TAFA2: variants seen among roughly 807,000 people sequenced by gnomAD.
The protein encoded by TAFA2 is chemokine-like protein TAFA-2.
A neutral mutation model predicts 18.8 loss-of-function variants in TAFA2; 7 were observed. The observed-to-expected ratio is 0.37, with a 90% CI of 0.21 to 0.70. The LOEUF (loss-of-function observed/expected upper bound fraction) is 0.70. Ranked by LOEUF, TAFA2 falls within the 30% of genes least tolerant of loss-of-function variation. The probability of loss-of-function intolerance (pLI) is 0.53; values close to 1 mark genes in which losing one functional copy is unlikely to be tolerated. For missense variants in TAFA2, 122 were observed against 158.1 expected, an observed-to-expected ratio of 0.77 and a Z score of 1.23; for synonymous variants, 60 against 54.2, an observed-to-expected ratio of 1.11 and a Z score of -0.47.
chr12:62,012,787 T>G (rs1211567602), intron 1 of TAFA2, among the ~76,000 whole-genome samples: 1 of 152,024 alleles, frequency 6.6e-6, no homozygotes, highest in Non-Finnish European at 1.5e-5. Context: ...AATAACACAC[T>G]CAGAAGAAAA....
At chr12:62,136,157 A>G (rs1870887860) in intron 1 of TAFA2, 2 of 152,106 alleles carry the variant, frequency 1.3e-5, no homozygotes. Flanking sequence ...TTTAAATTAC[A>G]GGGATTTTAT....
chr12:62,196,026 T>C (rs755665361), upstream of TAFA2, among the ~76,000 whole-genome samples: 1 of 152,234 alleles, frequency 6.6e-6, no homozygotes. Flanking sequence ...ATCTTCTGGA[T>C]AACTTGCTGC....
chr12:62,188,928 C>T (rs1283637579), intron 1 of TAFA2, among the ~76,000 whole-genome samples: 1 of 152,012 alleles, frequency 6.6e-6, no homozygotes, highest in Non-Finnish European at 1.5e-5. Flanking sequence ...TACATAAATC[C>T]ATAGGCAACT....
At chr12:62,175,951 C>G (rs1352211727) in intron 1 of TAFA2, among the ~76,000 whole-genome samples, 1 of 151,668 alleles carries the variant, frequency 6.6e-6, no homozygotes, top group Admixed American at 6.6e-5. Flanking sequence ...CTGTTCCCAC[C>G]TTTTTCAGCA....
rs537342674 is a variant in TAFA2 at position 61,863,803 on chromosome 12, C to G, written c.106+3517G>C. On this transcript the variant is annotated intron_variant, in intron 2 of 4. Coordinates refer to ENST00000416284, the MANE Select transcript of TAFA2 (RefSeq NM_178539.5). ...GCCCCCTTCTTTAGAGACTTACCTT[C>G]TGCTAAAGATGAGCCACTTCCCCAG... Among the ~76,000 whole-genome samples the G allele has an allele frequency of 3.9e-5, 6 of 152,266 alleles. No individual in the cohort carries two copies. In the East Asian group the frequency reaches 1.2e-3, roughly 29 times the overall value.
At chr12:62,044,150 A>T (rs576141256) in intron 1 of TAFA2, among the ~76,000 whole-genome samples, 1 of 152,254 alleles carries the variant, frequency 6.6e-6, no homozygotes, top group East Asian at 1.9e-4. Flanking sequence ...GTGTTAAAAA[A>T]AAAAAGTATT....
At chr12:61,957,691 T>C (rs540574772) in intron 1 of TAFA2, among the ~76,000 whole-genome samples, 23 of 152,160 alleles carry the variant, frequency 1.5e-4, no homozygotes, top group African/African-American at 5.3e-4. Context: ...AGGAGAGAGT[T>C]TGCCACTCTA....
chr12:62,199,376 C>T (rs2062661886), intron 1 of TAFA2, among the ~76,000 whole-genome samples: 1 of 152,138 alleles, frequency 6.6e-6, no homozygotes, highest in Non-Finnish European at 1.5e-5. Context: ...CCAACGCCAT[C>T]AGGCCCCTGT....
intron 2 of TAFA2, among the ~76,000 whole-genome samples, chr12:61,845,060 G>A (rs1421829782): frequency 1.3e-5 from 2 of 151,902 alleles, no homozygotes; most frequent in Non-Finnish European, 2.9e-5. Context: ...GGGTTCCTGG[G>A]GAAAAAGTTA....
intron 1 of TAFA2, among the ~76,000 whole-genome samples, chr12:62,070,732 A>C (rs1882610034): frequency 6.6e-6 from 1 of 152,118 alleles, no homozygotes; most frequent in African/African-American, 2.4e-5. Context: ...AATAATCATG[A>C]ATATCATATT....
At chr12:61,791,491 T>C (rs1029600285) in intron 2 of TAFA2, among the ~76,000 whole-genome samples, 7 of 151,706 alleles carry the variant, frequency 4.6e-5, no homozygotes, top group Admixed American at 2.6e-4. Context: ...GGGGTAAATA[T>C]CTAGAATATC....
intron 1 of TAFA2, among the ~76,000 whole-genome samples, chr12:61,884,818 G>GA (rs1180312214): frequency 6.6e-6 from 1 of 151,620 alleles, no homozygotes; most frequent in Non-Finnish European, 1.5e-5. Flanking sequence ...TTGAGGGAGA[G>GA]AAAAAGAAAA....
intron 1 of TAFA2, among the ~76,000 whole-genome samples, chr12:62,135,021 A>G (rs920340732): frequency 4.6e-5 from 7 of 152,016 alleles, no homozygotes; most frequent in South Asian, 2.1e-4. Context: ...TCTGACCCCA[A>G]ATACTAAGTT....
intron 1 of TAFA2, among the ~76,000 whole-genome samples, chr12:61,903,170 G>A (rs915787069): frequency 2.0e-5 from 3 of 152,100 alleles, no homozygotes; most frequent in African/African-American, 7.2e-5. Context: ...TTACAGTGTA[G>A]TACCAATGTA....
intron 1 of TAFA2, among the ~76,000 whole-genome samples, chr12:62,037,586 T>A (rs1881642650): frequency 1.3e-5 from 2 of 152,176 alleles, no homozygotes; most frequent in Admixed American, 6.5e-5. Flanking sequence ...CCTTTACAAA[T>A]ACATATGCCC....
At chr12:61,842,989 G>T (rs1873248611) in intron 2 of TAFA2, among the ~76,000 whole-genome samples, 3 of 152,048 alleles carry the variant, frequency 2.0e-5, no homozygotes, top group African/African-American at 7.2e-5. Flanking sequence ...CACAAAGCTG[G>T]CCCACACAAG....
chr12:61,837,938 G>A (rs923207148), intron 2 of TAFA2, among the ~76,000 whole-genome samples: 1 of 151,976 alleles, frequency 6.6e-6, no homozygotes, highest in South Asian at 2.1e-4. Flanking sequence ...ATTTGAGTTG[G>A]CAGTGTGGCT....
intron 4 of TAFA2, among the ~76,000 whole-genome samples, chr12:61,742,933 T>C (rs11834142): frequency 0.015 from 2,263 of 152,142 alleles, 48 homozygotes; most frequent in African/African-American, 0.05. Flanking sequence ...TGTTGACCCA[T>C]TGCAGCCAAA....
intron 1 of TAFA2, among the ~76,000 whole-genome samples, chr12:62,023,259 G>A (rs1358701652): frequency 6.6e-6 from 1 of 151,882 alleles, no homozygotes; most frequent in Non-Finnish European, 1.5e-5. Context: ...AGGGGAGGGT[G>A]AACAGCTACT....
Sources: allele counts gnomAD v4.1 joint callset (sites outside exome capture counted in the v4.1 genomes callset), GRCh38; gene constraint gnomAD v4.1.1; transcripts MANE v1.5; gene names NCBI Gene and HGNC (gene_info 2026-07-23, HGNC 2026-07-21).